Variants in SLC19A1 observed in about 807,000 individuals in gnomAD.
SLC19A1 encodes solute carrier family 19 member 1, also known as reduced folate transporter.
A neutral mutation model predicts 35.3 loss-of-function variants in SLC19A1; 37 were observed. That is an observed-to-expected ratio of 1.05 (90% confidence interval 0.81 to 1.38). The LOEUF is 1.38. Ranked by LOEUF, SLC19A1 falls within the 40% of genes most tolerant of loss-of-function variation. The pLI is 0.00. For synonymous variants in SLC19A1, 460 were observed against 398.5 expected (o/e 1.15, Z -1.84); for missense variants, 831 against 826.9 (o/e 1.00, Z -0.06).
At position 45,525,789 on chromosome 21, in the gene SLC19A1, C is replaced by T. The variant is rs373307068; in HGVS notation, c.1293+28G>A. On this transcript the variant is annotated intron_variant, in intron 5 of 5. Transcript: ENST00000311124. ...TGTCCCCACAAGTAGCTTCCATCCC[C>T]GAGGACGCAGGCCTGAAATGGGCTC... 29 of 1,610,268 alleles carry T rather than the reference C, an allele frequency of 1.8e-5. No individual in the cohort carries two copies. In the African/African-American group the frequency reaches 2.7e-4, roughly 15 times the overall value.
downstream of SLC19A1, among the ~76,000 whole-genome samples, chr21:45,512,034 G>A (rs571374998): frequency 6.6e-6 from 1 of 152,138 alleles, no homozygotes; most frequent in African/African-American, 2.4e-5. Flanking sequence ...CAGCCAGCAG[G>A]GAGGCCATGT....
rs931035731 is a variant in SLC19A1 at position 45,503,785 on chromosome 21, A to G, written c.498-5173T>C. 5.3e-5 allele frequency: 13 copies of G among 245,180 alleles called. No homozygotes were observed. In the East Asian group the frequency reaches 7.4e-4, roughly 14 times the overall value. The allele number at this position is 245,180 out of a possible 1,614,324, so 15.2% of individuals were successfully genotyped here. A position where few individuals can be genotyped will look rare whatever the true frequency, so the allele number is the denominator to read the frequency against. ...CATGTACCCTAAAACTTAAAGTATAATAATAAATTTAAAAAATTTAAAAAT... is the reference window on the plus strand; with the variant it reads ...CATGTACCCTAAAACTTAAAGTATAGTAATAAATTTAAAAAATTTAAAAAT... On this transcript the variant is annotated intron_variant, in intron 3 of 4. Transcript: ENST00000417954.
downstream of SLC19A1, chr21:45,509,547 G>A: frequency 6.5e-7 from 1 of 1,537,326 alleles, no homozygotes; most frequent in Non-Finnish European, 8.7e-7. Context: ...TGCACCTGCG[G>A]CCGGCGCGAC....
intron 1 of SLC19A1, among the ~76,000 whole-genome samples, chr21:45,555,213 G>C (rs1439958672): frequency 3.3e-5 from 1 of 30,106 alleles, no homozygotes; most frequent in Non-Finnish European, 6.1e-5. Context: ...GCAGGGGGCG[G>C]TGGGGGGCGC....
rs566335713 is a variant in SLC19A1, at chr21:45,537,409, C to A, written c.189+362G>T. 6.6e-5 allele frequency among the ~76,000 whole-genome samples: 10 copies of A among 152,126 alleles called. No homozygotes were observed. The South Asian group carries it at 1.7e-3, about 25-fold the overall frequency. On this transcript the variant is annotated intron_variant, in intron 2 of 5. Coordinates refer to ENST00000311124, the MANE Select transcript of SLC19A1 (RefSeq NM_194255.4). ...GCCCCTGAAGCTGCTCCCCGCCCAC[C>A]CATAGGCGGCCGCCCTGGCACCCAG...
chr21:45,551,637 C>T (rs1013891866), intron 1 of SLC19A1, among the ~76,000 whole-genome samples: 7 of 152,158 alleles, frequency 4.6e-5, no homozygotes, highest in African/African-American at 9.7e-5. Flanking sequence ...GATCAAAGAA[C>T]GTGGCCTAAG....
In SLC19A1 at chr21:45,535,471, T is replaced by C. The variant is rs184556283; in HGVS notation, c.189+2300A>G. Among the ~76,000 whole-genome samples the C allele has an allele frequency of 4.0e-3, 613 of 152,228 alleles. 3 individuals are homozygous for C. The highest frequency in any genetic ancestry group is 0.014 in the African/African-American group (586 of 41,540). ...CAACCACAGGGCTGCCAGGAAACAC[T>C]GGCCCACGGCGGGAGAAATGGCGGC... On this transcript the variant is annotated intron_variant, in intron 2 of 5. Transcript: ENST00000311124.
rs2077840309 is a variant in SLC19A1 at position 45,530,647 on chromosome 21, GC to G, written c.1151+122del. On this transcript the variant is annotated intron_variant, in intron 4 of 5. Coordinates refer to ENST00000311124, the MANE Select transcript of SLC19A1 (RefSeq NM_194255.4). The surrounding 1 kb of genome is among the most constrained non-coding windows in gnomAD (Gnocchi z 5.3). ...TGGGGACCCTGGTCAGCTCCAGGTGGCTGGCGGGGCCAGCAGTGGCACAGCC... is the reference window on the plus strand; with the variant it reads ...TGGGGACCCTGGTCAGCTCCAGGTGGTGGCGGGGCCAGCAGTGGCACAGCC... The G allele has an allele frequency of 9.8e-7, 1 of 1,020,360 alleles. No individual in the cohort carries two copies. Among genetic ancestry groups the G allele is most frequent in the Non-Finnish European group, 1.4e-6 (1 of 705,014 alleles). 63.2% of individuals were successfully genotyped at this position (1,020,360 alleles called of 1,614,324 possible). A position where few individuals can be genotyped will look rare whatever the true frequency, so the allele number is the denominator to read the frequency against.
intron 4 of SLC19A1, among the ~76,000 whole-genome samples, chr21:45,529,591 C>T (rs1331273985): frequency 1.4e-5 from 2 of 141,832 alleles, no homozygotes; most frequent in Non-Finnish European, 3.0e-5. Flanking sequence ...GTGGGTGTCT[C>T]CATGTGTGAG....
At position 45,531,933 on chromosome 21, in the gene SLC19A1, G is replaced by C; in HGVS notation, c.405C>G (p.Ala135=). 2 of 1,600,770 alleles carry C rather than the reference G, an allele frequency of 1.2e-6. No individual in the cohort carries two copies. The highest frequency in any genetic ancestry group is 1.7e-6 in the Non-Finnish European group (2 of 1,174,494). Residue 135 remains alanine (A), a synonymous_variant, in exon 3 of 6, where the codon GCC becomes GCG. Transcript: ENST00000311124. ...CGAGAGAGAAGATGTAGGAGGAATA[G>C]GCGATGCGCGCGGCCATGGTGACGC... ...FYSVTMAARI[A]YSSYIFSLVR... is the part of the protein sequence containing the mutation.
chr21:45,502,578 C>A (rs150604591), intron 3 of SLC19A1: 214 of 152,286 alleles, frequency 1.4e-3, no homozygotes, highest in African/African-American at 4.7e-3. Context: ...GTCCAAAAAT[C>A]CAAAGTTAAT....
Position 45,515,395 on chromosome 21 carries a change from G to T in SLC19A1, c.*263C>A. The T allele has an allele frequency of 7.0e-7, 1 of 1,434,584 alleles. No individual in the cohort carries two copies. The highest frequency in any genetic ancestry group is 9.1e-7 in the Non-Finnish European group (1 of 1,103,114). The allele number at this position is 1,434,584 out of a possible 1,614,324, so 88.9% of individuals were successfully genotyped here. A position where few individuals can be genotyped will look rare whatever the true frequency, so the allele number is the denominator to read the frequency against. ...GGGCATGAGCCAGTGAGGCCTGGTG[G>T]ACGCAGAAGCCCACCACCCACCTCT... On this transcript the variant is annotated 3_prime_UTR_variant, in exon 6 of 6. Coordinates refer to ENST00000311124, the MANE Select transcript of SLC19A1 (RefSeq NM_194255.4).
At position 45,534,267 on chromosome 21, in the gene SLC19A1, G is replaced by C. The variant is rs914232736; in HGVS notation, c.190-2119C>G. ...CTCCTGGCTGATGGCCTGCTCGACT[G>C]GGGGAGGCTCCTCCTCAGGGCCAGC... On this transcript the variant is annotated intron_variant, in intron 2 of 5. Transcript: ENST00000311124. The surrounding 1 kb of genome is among the most constrained non-coding windows in gnomAD (Gnocchi z 4.2). 6.6e-6 allele frequency among the ~76,000 whole-genome samples: 1 copy of C among 152,196 alleles called. No homozygotes were observed. The highest frequency in any genetic ancestry group is 6.5e-5 in the Admixed American group (1 of 15,290).
chr21:45,507,682 C>T (rs2037304362), downstream of SLC19A1: 2 of 1,242,614 alleles, frequency 1.6e-6, no homozygotes, highest in Admixed American at 1.9e-5. Context: ...AACACGTGGT[C>T]CTTTGGAGTC....
intron 1 of SLC19A1, among the ~76,000 whole-genome samples, chr21:45,542,058 G>A (rs1208208127): frequency 7.2e-6 from 1 of 139,080 alleles, no homozygotes; most frequent in Non-Finnish European, 1.6e-5. Flanking sequence ...CCAGACCCCA[G>A]GCTGCAGACC....
In SLC19A1 at chr21:45,504,502, C is replaced by A. The variant is rs766026583; in HGVS notation, c.498-5890G>T. On this transcript the variant is annotated intron_variant, in intron 3 of 4. Transcript: ENST00000417954. Reference sequence around the variant, plus strand: ...GCGGTTTCTTCGGCTCCAGCCTGCCCGGCCCCCCCGGCCCCCCAGGCCCCC... The same window carrying A: ...GCGGTTTCTTCGGCTCCAGCCTGCCAGGCCCCCCCGGCCCCCCAGGCCCCC... 5 of 1,414,412 alleles carry A rather than the reference C, an allele frequency of 3.5e-6. No homozygotes were observed. The highest frequency in any genetic ancestry group is 2.4e-5 in the Admixed American group (1 of 41,026). The allele number at this position is 1,414,412 out of a possible 1,614,324, so 87.6% of individuals were successfully genotyped here. A position where few individuals can be genotyped will look rare whatever the true frequency, so the allele number is the denominator to read the frequency against.
At chr21:45,504,564 C>T (rs1159868108) in intron 3 of SLC19A1, 3 of 1,565,662 alleles carry the variant, frequency 1.9e-6, no homozygotes, top group African/African-American at 2.7e-5. Flanking sequence ...CCAGTAAGTC[C>T]CAGCCTGTGC....
chr21:45,509,614 C>T (rs562422995), downstream of SLC19A1: 2 of 1,400,850 alleles, frequency 1.4e-6, no homozygotes, highest in Admixed American at 2.0e-5. Flanking sequence ...GAGTGCCCCC[C>T]CAAAGTGGGC....
At position 45,537,665 on chromosome 21, in the gene SLC19A1, C is replaced by T. The variant is rs560066114; in HGVS notation, c.189+106G>A. The T allele has an allele frequency of 0.024, 25,883 of 1,082,768 alleles. 482 individuals carry two copies. The highest frequency in any genetic ancestry group is 0.028 in the Non-Finnish European group (22,122 of 799,380). The allele number at this position is 1,082,768 out of a possible 1,614,324, so 67.1% of individuals were successfully genotyped here. A position where few individuals can be genotyped will look rare whatever the true frequency, so the allele number is the denominator to read the frequency against. On this transcript the variant is annotated intron_variant, in intron 2 of 5. Coordinates refer to ENST00000311124, the MANE Select transcript of SLC19A1 (RefSeq NM_194255.4). The stretch of plus-strand genomic sequence containing the variant: ...ATTCCAGAAGCTGCTCCCTGCCCAC[C>T]CACTGGCGGCCGCCCCCGCATCCCG...
Sources: allele counts gnomAD v4.1 joint callset (sites outside exome capture counted in the v4.1 genomes callset), GRCh38; gene constraint gnomAD v4.1.1; non-coding constraint Gnocchi (gnomAD v3.1); transcripts MANE v1.5; gene names NCBI Gene and HGNC (gene_info 2026-07-23, HGNC 2026-07-21).